IGF2BP3: variants seen among roughly 807,000 people sequenced by gnomAD.
IGF2BP3 encodes insulin-like growth factor 2 mRNA-binding protein 3.
A neutral mutation model predicts 73.8 loss-of-function variants in IGF2BP3; 9 were observed. The observed-to-expected ratio is 0.12, with a 90% CI of 0.07 to 0.21. The LOEUF (loss-of-function observed/expected upper bound fraction) is 0.21. IGF2BP3 is among the 10% of genes least tolerant of loss of function. The probability of loss-of-function intolerance (pLI) is 1.00; values close to 1 mark genes in which losing one functional copy is unlikely to be tolerated. For missense variants in IGF2BP3, 542 were observed against 714.0 expected (o/e 0.76, Z 2.75); for synonymous variants, 258 against 256.7 (o/e 1.01, Z -0.05).
At chr7:23,442,538 CAGG>C (rs1209718652) in intron 2 of IGF2BP3, among the ~76,000 whole-genome samples, 1 of 152,050 alleles carries the variant, frequency 6.6e-6, no homozygotes, top group Non-Finnish European at 1.5e-5. Context: ...GCTGGGATTA[CAGG>C]CACCCACTAC....
At chr7:23,346,275 CTTATT>C (rs1784825905) in intron 7 of IGF2BP3, 4 of 487,076 alleles carry the variant, frequency 8.2e-6, no homozygotes, top group East Asian at 3.5e-5. Context: ...TAAAATAGTT[CTTATT>C]TTATTCACTT....
intron 10 of IGF2BP3, among the ~76,000 whole-genome samples, chr7:23,335,240 G>C (rs1444204806): frequency 6.6e-6 from 1 of 151,756 alleles, no homozygotes; most frequent in Non-Finnish European, 1.5e-5. Flanking sequence ...AAGACTAAGA[G>C]ACTCCCTGAA....
intron 2 of IGF2BP3, among the ~76,000 whole-genome samples, chr7:23,444,610 G>T (rs923066684): frequency 2.6e-5 from 4 of 151,886 alleles, no homozygotes; most frequent in Admixed American, 2.0e-4. Flanking sequence ...GAGCATGGTG[G>T]TAAGTGCTGG....
At chr7:23,432,562 T>C (rs1182459098) in intron 2 of IGF2BP3, among the ~76,000 whole-genome samples, 3 of 151,674 alleles carry the variant, frequency 2.0e-5, no homozygotes, top group African/African-American at 7.3e-5. Context: ...AAACTAATCC[T>C]TGATCCCTAA....
rs768186705 is a variant in IGF2BP3, at chr7:23,470,082, C to T, written c.29G>A (p.Ser10Asn). The change falls in exon 1 of 15, where the codon AGC becomes AAC. Residue 10 changes from serine to asparagine, a missense_variant. Physicochemically the swap from Ser to Asn is conservative, Grantham distance 46. Coordinates refer to ENST00000258729, the MANE Select transcript of IGF2BP3 (RefSeq NM_006547.3). ...TAGGTCCGAGGGGGCGGCGTTCTCG[C>T]TGAGGTTTCCGATATACAGTTTGTT... MNKLYIGNL[S>N]ENAAPSDLES... The T allele has an allele frequency of 8.1e-6, 13 of 1,608,860 alleles. No individual in the cohort carries two copies. In the African/African-American group the frequency reaches 1.7e-4, roughly 22 times the overall value.
intron 3 of IGF2BP3, chr7:23,414,580 C>A (rs1276162706): frequency 1.3e-5 from 2 of 152,202 alleles, no homozygotes; most frequent in African/African-American, 4.8e-5. Flanking sequence ...GCTCTCAGTT[C>A]CATCAGACTG....
At chr7:23,428,874 C>T (rs1562748214) in intron 2 of IGF2BP3, among the ~76,000 whole-genome samples, 1 of 152,054 alleles carries the variant, frequency 6.6e-6, no homozygotes, top group Non-Finnish European at 1.5e-5. Context: ...TTGCTTGTAT[C>T]AATCTTTTTT....
intron 3 of IGF2BP3, chr7:23,365,543 G>A (rs904228167): frequency 6.6e-6 from 1 of 152,054 alleles, no homozygotes; most frequent in African/African-American, 2.4e-5. Flanking sequence ...AAATGATACA[G>A]GTAAATTTTT....
intron 3 of IGF2BP3, among the ~76,000 whole-genome samples, chr7:23,370,933 C>T (rs1309913968): frequency 6.6e-6 from 1 of 152,094 alleles, no homozygotes; most frequent in African/African-American, 2.4e-5. Flanking sequence ...CCCACCTCGG[C>T]CTCCCAAAAT....
chr7:23,382,226 A>AC (rs1158027263), intron 3 of IGF2BP3, among the ~76,000 whole-genome samples: 1 of 152,206 alleles, frequency 6.6e-6, no homozygotes, highest in Non-Finnish European at 1.5e-5. Flanking sequence ...TGCCTGGGCA[A>AC]CAGAGATGCT....
intron 12 of IGF2BP3, among the ~76,000 whole-genome samples, 196 bp from the exon 13 acceptor site, chr7:23,313,849 G>C (rs1376285255): frequency 6.6e-6 from 1 of 152,200 alleles, no homozygotes; most frequent in African/African-American, 2.4e-5. Context: ...GCCCATCACA[G>C]TAGAGGCAAC....
chr7:23,339,344 T>C (rs545118188), intron 10 of IGF2BP3, among the ~76,000 whole-genome samples: 1 of 152,324 alleles, frequency 6.6e-6, no homozygotes, highest in Non-Finnish European at 1.5e-5. Flanking sequence ...GCTGGAGAAA[T>C]ATAAGTTCTT....
intron 3 of IGF2BP3, among the ~76,000 whole-genome samples, chr7:23,386,966 C>T (rs1006763902): frequency 6.6e-6 from 1 of 150,480 alleles, no homozygotes; most frequent in African/African-American, 2.5e-5. Context: ...ACTGGGGAGG[C>T]TGAGGCAGGA....
At chr7:23,444,330 T>C (rs1405967575) in intron 2 of IGF2BP3, among the ~76,000 whole-genome samples, 1 of 152,198 alleles carries the variant, frequency 6.6e-6, no homozygotes, top group Non-Finnish European at 1.5e-5. Flanking sequence ...TAATGTATTA[T>C]TGACCTACAT....
At chr7:23,427,276 T>A (rs1033491452) in intron 2 of IGF2BP3, among the ~76,000 whole-genome samples, 28 of 152,224 alleles carry the variant, frequency 1.8e-4, no homozygotes, top group African/African-American at 6.5e-4. Context: ...TAGATAAACC[T>A]GGGAGGCATT....
chr7:23,326,114 T>G (rs1583886912), intron 10 of IGF2BP3, among the ~76,000 whole-genome samples: 1 of 152,060 alleles, frequency 6.6e-6, no homozygotes, highest in South Asian at 2.1e-4. Context: ...GAAACTACCA[T>G]CAGAGTGAAC....
chr7:23,376,379 A>G (rs1785718466), intron 3 of IGF2BP3, among the ~76,000 whole-genome samples: 1 of 151,672 alleles, frequency 6.6e-6, no homozygotes, highest in African/African-American at 2.4e-5. Flanking sequence ...TACTAAAAAT[A>G]CAAAAATTAG....
At chr7:23,460,454 C>T (rs931420888) in intron 2 of IGF2BP3, among the ~76,000 whole-genome samples, 2 of 150,736 alleles carry the variant, frequency 1.3e-5, no homozygotes, top group African/African-American at 4.9e-5. Context: ...ATCACTTGAA[C>T]TCAGGAGGCA....
At chr7:23,412,576 C>T in intron 3 of IGF2BP3, among the ~76,000 whole-genome samples, 1 of 152,100 alleles carries the variant, frequency 6.6e-6, no homozygotes, top group Non-Finnish European at 1.5e-5. Context: ...AGGCTGTTTC[C>T]CCACACAGTA....
Sources: gnomAD v4.1 joint callset for allele counts (sites outside exome capture counted in the v4.1 genomes callset) on GRCh38, gnomAD v4.1.1 for gene constraint, MANE v1.5 for transcripts, NCBI Gene and HGNC (gene_info 2026-07-23, HGNC 2026-07-21) for gene names.